GAA: variants seen among roughly 807,000 people sequenced by gnomAD.
GAA encodes alpha glucosidase.
Under a neutral mutation model 103.9 loss-of-function variants are expected in GAA, and 88 were observed. That is an observed-to-expected ratio of 0.85 (90% CI 0.71 to 1.01). GAA has a LOEUF of 1.01. GAA is among the 50% of genes least tolerant of loss of function. The pLI is 0.00. For synonymous variants in GAA, 572 were observed against 563.1 expected (o/e 1.02, Z -0.22); for missense variants, 1,350 against 1,305.3 (o/e 1.03, Z -0.53).
chr17:80,118,175 G>C lies in GAA; in HGVS notation c.2482-18G>C. On this transcript the variant is annotated intron_variant, in intron 17 of 19. Transcript: ENST00000302262. ...ACCAGGGTGGGGATGATGACATCACGTGTCCTTCCCTTTCCAGGGCCCTGG... is the reference window on the plus strand; with the variant it reads ...ACCAGGGTGGGGATGATGACATCACCTGTCCTTCCCTTTCCAGGGCCCTGG... 1 of 1,612,486 alleles carries C rather than the reference G, an allele frequency of 6.2e-7. No individual in the cohort carries two copies. The highest frequency in any genetic ancestry group is 8.5e-7 in the Non-Finnish European group (1 of 1,179,626).
Position 80,117,595 on chromosome 17 carries a change from T to A in GAA, c.2332-5T>A. 6.2e-7 allele frequency: 1 copy of A among 1,612,766 alleles called. No individual in the cohort carries two copies. The highest frequency in any genetic ancestry group is 8.5e-7 in the Non-Finnish European group (1 of 1,179,922). ...CAGAATCCTCAAAGCAACATCTCCCTCCAGGTGCCAGTAGAGGCCCTTGGC... is the reference window on the plus strand; with the variant it reads ...CAGAATCCTCAAAGCAACATCTCCCACCAGGTGCCAGTAGAGGCCCTTGGC... On this transcript the variant is annotated splice_region_variant and splice_polypyrimidine_tract_variant and intron_variant, in intron 16 of 19. Coordinates refer to ENST00000302262, the MANE Select transcript of GAA (RefSeq NM_000152.5).
At chr17:80,106,447 C>T (rs1317431052) in intron 3 of GAA, among the ~76,000 whole-genome samples, 6 of 151,974 alleles carry the variant, frequency 3.9e-5, no homozygotes, top group Non-Finnish European at 8.8e-5. Flanking sequence ...ACAGGGATGG[C>T]CTCTCTGGAA....
chr17:80,118,508 C>T (rs146264550), intron 18 of GAA, 145 bp from the exon 19 acceptor site: 25 of 1,358,938 alleles, frequency 1.8e-5, no homozygotes, highest in Middle Eastern at 1.8e-4. Context: ...GCAGTGGGGC[C>T]GTGCACTCTG....
At chr17:80,117,257 C>A in intron 16 of GAA, 148 bp downstream of exon 16, 1 of 843,150 alleles carries the variant, frequency 1.2e-6, no homozygotes, top group Non-Finnish European at 1.9e-6. Context: ...CACCCGGCTG[C>A]TCCGCACCCA....
intron 5 of GAA, 35 bp from the exon 6 acceptor site, chr17:80,108,255 T>A: frequency 6.2e-7 from 1 of 1,613,238 alleles, no homozygotes; most frequent in African/African-American, 1.3e-5. Flanking sequence ...AAGTGAAGAA[T>A]CTGTCCCCCA....
At chr17:80,114,345 T>A (rs1183267031) in intron 15 of GAA, among the ~76,000 whole-genome samples, 4 of 152,068 alleles carry the variant, frequency 2.6e-5, no homozygotes, top group Non-Finnish European at 5.9e-5. Flanking sequence ...CCACACATTC[T>A]TCACCCGGAA....
intron 3 of GAA, 135 bp downstream of exon 3, chr17:80,106,029 G>A (rs1289242432): frequency 8.2e-7 from 1 of 1,224,356 alleles, no homozygotes; most frequent in Non-Finnish European, 1.1e-6. Flanking sequence ...GGCGGGGAGG[G>A]CGACGGGCAT....
At chr17:80,109,845 A>C in intron 8 of GAA, 100 bp from the exon 9 acceptor site, 14 of 834,720 alleles carry the variant, frequency 1.7e-5, no homozygotes, top group Non-Finnish European at 2.6e-5. Flanking sequence ...CACACGCATG[A>C]TGTCATCCCC....
chr17:80,112,080 C>G lies in GAA; in HGVS notation c.1734C>G (p.Thr578=), dbSNP rs149384771. ...ACCTGCACAACCTCTACGGCCTGAC[C>G]GAAGCCATCGCCTCCCACAGGTGAG... is the stretch of plus-strand genomic sequence containing the variant. The part of the protein sequence containing the change: ...HYNLHNLYGL[T]EAIASHRALV... Residue 578 remains threonine (T), a synonymous_variant, in exon 12 of 20, where the codon ACC becomes ACG. Transcript: ENST00000302262. 3 of 1,613,854 alleles carry G rather than the reference C, an allele frequency of 1.9e-6. No individual in the cohort carries two copies. Among genetic ancestry groups the G allele is most frequent in the Non-Finnish European group, 2.5e-6 (3 of 1,179,942 alleles).
At chr17:80,118,430 C>A in intron 18 of GAA, 73 bp downstream of exon 18, 1 of 1,536,384 alleles carries the variant, frequency 6.5e-7, no homozygotes, top group Non-Finnish European at 8.8e-7. Flanking sequence ...GGGACCTGGG[C>A]TTGGGGGTCC....
In GAA at chr17:80,117,143, G is replaced by A. The variant is rs762149434; in HGVS notation, c.2331+34G>A. 8 of 1,607,014 alleles carry A rather than the reference G, an allele frequency of 5.0e-6. No individual in the cohort carries two copies. In the South Asian group the frequency reaches 7.7e-5, roughly 15 times the overall value. On this transcript the variant is annotated intron_variant, in intron 16 of 19. Transcript: ENST00000302262. ...GGGGACCCTAAGCCCTGGGGAGACG[G>A]GAGACCAGAGCAGCCCTCCCACCTG...
In GAA at chr17:80,105,139, A is replaced by AGGGCAG; in HGVS notation, c.546+12_546+17dup. On this transcript the variant is annotated splice_region_variant and intron_variant, in intron 2 of 19. Coordinates refer to ENST00000302262, the MANE Select transcript of GAA (RefSeq NM_000152.5). ...GAACCGCCTCCACTTCACGGTGGGC[A>AGGGCAG]GGGCAGGGGCGGGGGCGGCGGCCAG... The AGGGCAG allele has an allele frequency of 1.2e-6, 2 of 1,601,150 alleles. No homozygotes were observed. Among genetic ancestry groups the AGGGCAG allele is most frequent in the East Asian group, 2.2e-5 (1 of 44,720 alleles).
intron 15 of GAA, among the ~76,000 whole-genome samples, chr17:80,115,098 C>T (rs1355844281): frequency 2.0e-5 from 3 of 151,926 alleles, no homozygotes; most frequent in South Asian, 2.1e-4. Flanking sequence ...GCTTCTTGGA[C>T]GTATGCATTG....
At chr17:80,118,848 G>C (rs771420366) in intron 19 of GAA, 43 bp downstream of exon 19, 1 of 1,607,430 alleles carries the variant, frequency 6.2e-7, no homozygotes. Flanking sequence ...TCCCCCAGCC[G>C]TGGTGCAGGG....
At chr17:80,106,123 G>C (rs1167627361) in intron 3 of GAA, among the ~76,000 whole-genome samples, 2 of 152,178 alleles carry the variant, frequency 1.3e-5, no homozygotes, top group Non-Finnish European at 2.9e-5. Flanking sequence ...CCAAGCCCCT[G>C]CTTGTCATTT....
At chr17:80,105,532 T>A (rs910172253) in intron 2 of GAA, among the ~76,000 whole-genome samples, 2 of 152,208 alleles carry the variant, frequency 1.3e-5, no homozygotes, top group Admixed American at 1.3e-4. Context: ...AATTCAGAGT[T>A]ATCAGGTGTT....
At chr17:80,105,161 C>T (rs1347281507) in intron 2 of GAA, 29 bp downstream of exon 2, 1 of 1,587,656 alleles carries the variant, frequency 6.3e-7, no homozygotes, top group Non-Finnish European at 8.5e-7. Context: ...GGGGCGGCGG[C>T]CAGGGCAGAG....
rs1567841033 is a variant in GAA at position 80,118,790 on chromosome 17, CA to C, written c.2785del (p.Ser929AlafsTer14). ...GTGTCCCTGTCTCCAACTTCACCTA[CA>C]GCCCCGACACCAAGGCAAGAGGGCC... ...NGVPVSNFTY[S>X]PDTKVLDICV... On this transcript the variant is annotated frameshift_variant, in exon 19 of 20. Transcript: ENST00000302262. LOFTEE classifies it high-confidence loss of function. 6.2e-7 allele frequency: 1 copy of C among 1,613,382 alleles called. No homozygotes were observed.
Position 80,119,413 on chromosome 17 carries a change from C to T in GAA, c.*82C>T, listed in dbSNP as rs745999686. ...CCTGTGTGCGGGCAGCAGCTGTGTG[C>T]GGGCCTGGGGGTTGCATGTGTCACC... is the stretch of plus-strand genomic sequence containing the variant. On this transcript the variant is annotated 3_prime_UTR_variant, in exon 20 of 20. Coordinates refer to ENST00000302262, the MANE Select transcript of GAA (RefSeq NM_000152.5). 12 of 1,234,038 alleles carry T rather than the reference C, an allele frequency of 9.7e-6. No individual in the cohort carries two copies. The highest frequency in any genetic ancestry group is 9.3e-5 in the East Asian group (4 of 42,942). The allele number at this position is 1,234,038 out of a possible 1,614,324, so 76.4% of individuals were successfully genotyped here.
Sources: allele counts gnomAD v4.1 joint callset (sites outside exome capture counted in the v4.1 genomes callset), GRCh38; gene constraint gnomAD v4.1.1; transcripts MANE v1.5; gene names NCBI Gene and HGNC (gene_info 2026-07-23, HGNC 2026-07-21).